SRGAP3: variants seen among roughly 807,000 people sequenced by gnomAD.
SRGAP3 encodes SLIT-ROBO Rho GTPase activating protein 3.
Under a neutral mutation model 121.1 loss-of-function variants are expected in SRGAP3, and 39 were observed. The observed-to-expected ratio is 0.32, with a 90% confidence interval of 0.25 to 0.42. The LOEUF is 0.42. SRGAP3 is among the 10% of genes least tolerant of loss of function. The pLI, the probability that SRGAP3 is intolerant of heterozygous loss-of-function variation, is 1.00. For synonymous variants in SRGAP3, 601 were observed against 570.0 expected (o/e 1.05, Z -0.77); for missense variants, 1,213 against 1,470.6 (o/e 0.82, Z 2.86).
At chr3:9,085,829 G>A (rs1173635241) in intron 3 of SRGAP3, among the ~76,000 whole-genome samples, 1 of 152,138 alleles carries the variant, frequency 6.6e-6, no homozygotes, top group Non-Finnish European at 1.5e-5. Context: ...GGTGGGAGGA[G>A]GGAGAGGATC....
Position 9,058,257 on chromosome 3 carries a change from C to G in SRGAP3, c.1017G>C (p.Gly339=). ...GCTCCAGGAGGAAGCCTACCTCATC[C>G]CCCATGTGGGGCTGGAACTCGAACT... is the stretch of plus-strand genomic sequence containing the variant. ...PLKFEFQPHM[G]DEVCQVSAQQ... Residue 339 remains glycine, a synonymous_variant, in exon 7 of 22, where the codon GGG becomes GGC. Transcript: ENST00000383836. The G allele has an allele frequency of 6.2e-7, 1 of 1,614,160 alleles. No homozygotes were observed. The highest frequency in any genetic ancestry group is 8.5e-7 in the Non-Finnish European group (1 of 1,180,032).
At chr3:9,027,374 T>C (rs968230599) in intron 12 of SRGAP3, among the ~76,000 whole-genome samples, 4 of 152,114 alleles carry the variant, frequency 2.6e-5, no homozygotes, top group African/African-American at 9.7e-5. Flanking sequence ...CAACACTATT[T>C]TCTCAGTGCT....
chr3:9,289,914 C>A (rs1954843580), intron 3 of SRGAP3, among the ~76,000 whole-genome samples: 1 of 152,136 alleles, frequency 6.6e-6, no homozygotes, highest in Non-Finnish European at 1.5e-5. Flanking sequence ...TTGAGACCAG[C>A]CTGGCCAACA....
Position 9,109,763 on chromosome 3 carries a change from G to A in SRGAP3, c.261-4921C>T, listed in dbSNP as rs1033232626. 5.3e-5 allele frequency among the ~76,000 whole-genome samples: 8 copies of A among 152,264 alleles called. No homozygotes were observed. The East Asian group carries it at 5.8e-4, about 11-fold the overall frequency. On this transcript the variant is annotated intron_variant, in intron 2 of 21. Transcript: ENST00000383836. This position sits in a 1 kb window ranked among gnomAD's most constrained non-coding sequence, Gnocchi z 4.4. ...TCATGCATGGCTTCCTGGAGGAAACGCTTTCTAGACTGAGAACTAAAAGCC... is the reference window on the plus strand; with the variant it reads ...TCATGCATGGCTTCCTGGAGGAAACACTTTCTAGACTGAGAACTAAAAGCC...
At chr3:8,990,360 C>A (rs1941962838) in intron 21 of SRGAP3, 152 bp downstream of exon 21, 1 of 1,023,404 alleles carries the variant, frequency 9.8e-7, no homozygotes, top group African/African-American at 1.6e-5. Context: ...ACGGGAAGCC[C>A]AGCAAGGGAC....
chr3:9,049,477 G>A (rs1440879623), intron 9 of SRGAP3: 2 of 456,078 alleles, frequency 4.4e-6, no homozygotes, highest in South Asian at 3.1e-5. Context: ...CTTCTACCCA[G>A]AAGGAAACAG....
intron 7 of SRGAP3, among the ~76,000 whole-genome samples, chr3:9,057,529 C>T (rs1007990291): frequency 6.6e-6 from 1 of 152,176 alleles, no homozygotes; most frequent in African/African-American, 2.4e-5. Context: ...GCCATCTTCT[C>T]GGATGCCTCC....
intron 1 of SRGAP3, among the ~76,000 whole-genome samples, chr3:9,126,990 T>A (rs1949258059): frequency 6.6e-6 from 1 of 152,180 alleles, no homozygotes; most frequent in South Asian, 2.1e-4. Context: ...AAAAAGTTGA[T>A]ATTTGGAAAT....
At chr3:9,302,082 G>C (rs1955068387) in intron 3 of SRGAP3, among the ~76,000 whole-genome samples, 1 of 152,164 alleles carries the variant, frequency 6.6e-6, no homozygotes, top group African/African-American at 2.4e-5. Context: ...ACCGTCCTCA[G>C]TGCCTTATGT....
At chr3:9,255,022 GAGAAAGAAAGGA>G (rs1364175500) in intron 3 of SRGAP3, among the ~76,000 whole-genome samples, 53 of 150,512 alleles carry the variant, frequency 3.5e-4, no homozygotes, top group African/African-American at 1.3e-3. Context: ...GAAAAAGAAA[GAGAAAGAAAGGA>G]AGAAAGAAAG....
chr3:9,049,222 A>G, intron 9 of SRGAP3: 3 of 359,438 alleles, frequency 8.3e-6, no homozygotes, highest in Non-Finnish European at 1.7e-5. Flanking sequence ...GGGCTGACAC[A>G]TACACAAATA....
chr3:9,298,942 C>T (rs908477813), intron 3 of SRGAP3, among the ~76,000 whole-genome samples: 1 of 151,140 alleles, frequency 6.6e-6, no homozygotes, highest in Non-Finnish European at 1.5e-5. Context: ...ATCCTGGCTA[C>T]TCGGGAGGCT....
At chr3:9,038,535 A>C (rs900063765) in intron 10 of SRGAP3, among the ~76,000 whole-genome samples, 1 of 152,260 alleles carries the variant, frequency 6.6e-6, no homozygotes, top group African/African-American at 2.4e-5. Flanking sequence ...TAATGGCAAC[A>C]AAGATTGACC....
chr3:9,105,098 C>T (rs1948372365), intron 2 of SRGAP3, among the ~76,000 whole-genome samples: 2 of 152,240 alleles, frequency 1.3e-5, no homozygotes, highest in African/African-American at 4.8e-5. Flanking sequence ...GTGGTGCTTG[C>T]TCCAGGTACC....
intron 1 of SRGAP3, among the ~76,000 whole-genome samples, chr3:9,177,132 G>T (rs754423439): frequency 1.1e-4 from 17 of 152,156 alleles, no homozygotes; most frequent in Non-Finnish European, 2.2e-4. Flanking sequence ...GTGTTCAAGG[G>T]CACACATTCA....
At chr3:9,107,532 A>C (rs1378541808) in intron 2 of SRGAP3, among the ~76,000 whole-genome samples, 3 of 152,168 alleles carry the variant, frequency 2.0e-5, no homozygotes, top group Non-Finnish European at 1.5e-5. Context: ...CTATTACTGT[A>C]GGTTCAGCTT....
At chr3:9,008,264 G>A (rs1228455613) in intron 18 of SRGAP3, 2 of 152,396 alleles carry the variant, frequency 1.3e-5, no homozygotes, top group African/African-American at 2.4e-5. Context: ...CTTCTTCGCT[G>A]ACCCAGCAAG....
At chr3:9,080,654 G>T (rs1947198232) in intron 3 of SRGAP3, among the ~76,000 whole-genome samples, 1 of 152,206 alleles carries the variant, frequency 6.6e-6, no homozygotes, top group Non-Finnish European at 1.5e-5. Context: ...CCACACAGCA[G>T]GAGGTGAGCG....
At chr3:9,269,561 G>A (rs1954434223) in intron 3 of SRGAP3, among the ~76,000 whole-genome samples, 2 of 152,186 alleles carry the variant, frequency 1.3e-5, no homozygotes, top group African/African-American at 2.4e-5. Context: ...CTATAAATGA[G>A]ACAAGGTTTA....
Sources: allele counts gnomAD v4.1 joint callset (sites outside exome capture counted in the v4.1 genomes callset), GRCh38; gene constraint gnomAD v4.1.1; non-coding constraint Gnocchi (gnomAD v3.1); transcripts MANE v1.5; gene names NCBI Gene and HGNC (gene_info 2026-07-23, HGNC 2026-07-21).